The following RRP12 variants were observed in gnomAD, a reference collection of about 807,000 sequenced individuals.
RRP12 encodes the protein ribosomal RNA processing 12 homolog, also known as RRP12-like protein.
Under a neutral mutation model 157.3 loss-of-function variants are expected in RRP12, and 78 were observed. The ratio of observed to expected loss-of-function variants is 0.50; its 90% CI spans 0.41 to 0.60. The LOEUF is 0.60. RRP12 is among the 20% of genes least tolerant of loss of function. The probability of loss-of-function intolerance (pLI) is 0.00; values close to 1 mark genes in which losing one functional copy is unlikely to be tolerated. For synonymous variants in RRP12, 726 were observed against 670.9 expected (o/e 1.08, Z -1.27); for missense variants, 1,521 against 1,679.9 (o/e 0.91, Z 1.65).
At position 97,377,575 on chromosome 10, in the gene RRP12, T is replaced by C. The variant is rs536397838; in HGVS notation, c.1798+1718A>G. On this transcript the variant is annotated intron_variant, in intron 15 of 33. Coordinates refer to ENST00000370992, the MANE Select transcript of RRP12 (RefSeq NM_015179.4). ...AATTGTATGTACAGGCTTGGCACAGTGGCTCACGCCTGTAATCCCAACACT... is the reference window on the plus strand; with the variant it reads ...AATTGTATGTACAGGCTTGGCACAGCGGCTCACGCCTGTAATCCCAACACT... Among the ~76,000 whole-genome samples, 7 of 151,226 alleles carry C rather than the reference T, an allele frequency of 4.6e-5. No homozygotes were observed. The South Asian group carries it at 1.5e-3, about 32-fold the overall frequency.
At chr10:97,401,034 T>C in intron 1 of RRP12, 59 bp downstream of exon 1, 36 of 1,590,476 alleles carry the variant, frequency 2.3e-5, no homozygotes, top group Non-Finnish European at 3.1e-5. Context: ...CAGACTCATC[T>C]GGACCCAGGT....
At chr10:97,386,350 T>C (rs1261777689) in intron 8 of RRP12, among the ~76,000 whole-genome samples, 2 of 150,148 alleles carry the variant, frequency 1.3e-5, no homozygotes, top group Non-Finnish European at 3.0e-5. Context: ...CCACTGTGCC[T>C]GGCCAATTTT....
At chr10:97,370,010 C>CTT (rs1844096878) in intron 24 of RRP12, among the ~76,000 whole-genome samples, 157 bp downstream of exon 24, 1 of 152,164 alleles carries the variant, frequency 6.6e-6, no homozygotes, top group Non-Finnish European at 1.5e-5. Flanking sequence ...GGCAGCGACC[C>CTT]GCAGGAAGGG....
At chr10:97,366,050 T>C (rs1843966769) in intron 29 of RRP12, 58 bp downstream of exon 29, 1 of 1,597,952 alleles carries the variant, frequency 6.3e-7, no homozygotes, top group Non-Finnish European at 8.5e-7. Flanking sequence ...CCTCAGCAAG[T>C]GATCACCGAA....
Position 97,400,344 on chromosome 10 carries a change from T to C in RRP12, c.330A>G (p.Val110=), listed in dbSNP as rs768748418. The C allele has an allele frequency of 1.4e-5, 22 of 1,613,758 alleles. No homozygotes were observed. In the East Asian group the frequency reaches 4.7e-4, roughly 34 times the overall value. The change falls in exon 2 of 34, where the codon GTA becomes GTG. Residue 110 remains valine (V), a synonymous_variant. Transcript: ENST00000370992. ...SDCTNVTFSK[V]QRFWESNSAA... is the part of the protein sequence containing the mutation. ...CCGAGTTGGACTCCCAGAAGCGCTG[T>C]ACTTTGCTGAAGGTGACGTTTGTGC...
At position 97,373,155 on chromosome 10, in the gene RRP12, G is replaced by A. The variant is rs1286880149; in HGVS notation, c.2072C>T (p.Pro691Leu). 5.6e-6 allele frequency: 9 copies of A among 1,614,190 alleles called. No individual in the cohort carries two copies. The highest frequency in any genetic ancestry group is 5.0e-5 in the Admixed American group (3 of 60,020). Reference protein sequence around the residue: ...EVSRFAKNFLPILFNLYGQPV... With the variant: ...EVSRFAKNFLLILFNLYGQPV... ...CTGCCCATACAGGTTGAAGAGGATC[G>A]GCAGAAAGTTCTTGGCAAAGCGACT... Residue 691 changes from proline (P) to leucine (L), a missense_variant, in exon 18 of 34, where the codon CCG (proline) becomes CTG (leucine). Coordinates refer to ENST00000370992, the MANE Select transcript of RRP12 (RefSeq NM_015179.4).
intron 25 of RRP12, among the ~76,000 whole-genome samples, chr10:97,367,952 G>T (rs918272955): frequency 6.6e-6 from 1 of 151,176 alleles, no homozygotes; most frequent in Admixed American, 6.6e-5. Flanking sequence ...GGCTGGTCTT[G>T]AACTCCCAAC....
intron 31 of RRP12, among the ~76,000 whole-genome samples, 162 bp from the exon 32 acceptor site, chr10:97,359,172 G>A (rs66531566): frequency 0.2 from 29,897 of 152,234 alleles, 3,779 homozygotes; most frequent in Non-Finnish European, 0.27. Flanking sequence ...CTTCCTCGAG[G>A]AGGGACTGTC....
intron 10 of RRP12, among the ~76,000 whole-genome samples, chr10:97,384,893 T>G (rs1035115517): frequency 4.5e-5 from 5 of 110,968 alleles, no homozygotes; most frequent in African/African-American, 1.8e-4. Context: ...GGACCCCCAA[T>G]CTTGGCAGCC....
chr10:97,399,141 C>T (rs935037212), intron 2 of RRP12, among the ~76,000 whole-genome samples: 1 of 152,034 alleles, frequency 6.6e-6, no homozygotes, highest in Admixed American at 6.6e-5. Flanking sequence ...GGCATGGTGG[C>T]GCACGCCTCT....
intron 25 of RRP12, 116 bp from the exon 26 acceptor site, chr10:97,367,248 G>T: frequency 1.2e-6 from 1 of 850,474 alleles, no homozygotes; most frequent in South Asian, 1.6e-5. Flanking sequence ...GAGGGTTAGC[G>T]CGGCCCTGCT....
chr10:97,369,543 T>C lies in RRP12; in HGVS notation c.2837A>G (p.Asn946Ser), dbSNP rs775604444. The change falls in exon 25 of 34, where the codon AAT (asparagine) becomes AGT (serine). Residue 946 changes from asparagine to serine, a missense_variant. Physicochemically the swap from Asn to Ser is conservative, Grantham distance 46. Coordinates refer to ENST00000370992, the MANE Select transcript of RRP12 (RefSeq NM_015179.4). ...GCGGGAGGCCAGAAGCAGGCACACATTCTCCAGCAGCTGCTCCACTGTACT... is the reference window on the plus strand; with the variant it reads ...GCGGGAGGCCAGAAGCAGGCACACACTCTCCAGCAGCTGCTCCACTGTACT... ...GTSTVEQLLE[N>S]VCLLLASRTR... The C allele has an allele frequency of 1.3e-6, 2 of 1,582,762 alleles. No homozygotes were observed. Among genetic ancestry groups the C allele is most frequent in the South Asian group, 2.3e-5 (2 of 86,812 alleles).
intron 33 of RRP12, among the ~76,000 whole-genome samples, chr10:97,358,126 AG>A (rs1564745864): frequency 3.9e-5 from 6 of 152,038 alleles, no homozygotes; most frequent in Non-Finnish European, 8.8e-5. Flanking sequence ...TGAGGTCAAG[AG>A]ATCGAGACCA....
At chr10:97,393,019 C>G (rs1378714588) in intron 4 of RRP12, among the ~76,000 whole-genome samples, 1 of 151,932 alleles carries the variant, frequency 6.6e-6, no homozygotes. Flanking sequence ...AGGCGTGAGC[C>G]ACAGCATGTA....
chr10:97,367,952 G>C (rs918272955), intron 25 of RRP12, among the ~76,000 whole-genome samples: 15 of 151,176 alleles, frequency 9.9e-5, no homozygotes, highest in Non-Finnish European at 2.1e-4. Context: ...GGCTGGTCTT[G>C]AACTCCCAAC....
At position 97,379,762 on chromosome 10, in the gene RRP12, C is replaced by G. The variant is rs1844415231; in HGVS notation, c.1542G>C (p.Gln514His). ...GGGAGAGGCGCAGGTCACACAGGGA[C>G]TGGAGGCACTGCAGCAGAGATGAGT... Reference protein sequence around the residue: ...QAHPVMRKCLQSLCDLRLSPH... With the variant: ...QAHPVMRKCLHSLCDLRLSPH... The change falls in exon 14 of 34, where the codon CAG becomes CAC. Residue 514 changes from glutamine (Q) to histidine (H), a missense_variant. Transcript: ENST00000370992. 1 of 1,608,990 alleles carries G rather than the reference C, an allele frequency of 6.2e-7. No homozygotes were observed. Among genetic ancestry groups the G allele is most frequent in the Non-Finnish European group, 8.5e-7 (1 of 1,177,872 alleles).
chr10:97,376,123 CAAA>C (rs1368851750), intron 15 of RRP12, among the ~76,000 whole-genome samples: 9 of 151,022 alleles, frequency 6.0e-5, no homozygotes, highest in African/African-American at 1.5e-4. Context: ...AACAAACAAA[CAAA>C]CCGACCCAAA....
At chr10:97,397,961 C>A in intron 2 of RRP12, among the ~76,000 whole-genome samples, 1 of 130,300 alleles carries the variant, frequency 7.7e-6, no homozygotes, top group African/African-American at 2.9e-5. Flanking sequence ...TTTTGGTAAA[C>A]CTAAATAACA....
chr10:97,385,092 C>A, intron 10 of RRP12, 74 bp downstream of exon 10: 1 of 537,212 alleles, frequency 1.9e-6, no homozygotes, highest in Non-Finnish European at 2.6e-6. Flanking sequence ...CCTCGGCAGC[C>A]TGGACACAGG....
Sources: gnomAD v4.1 joint callset for allele counts (sites outside exome capture counted in the v4.1 genomes callset) on GRCh38, gnomAD v4.1.1 for gene constraint, MANE v1.5 for transcripts, NCBI Gene and HGNC (gene_info 2026-07-23, HGNC 2026-07-21) for gene names.